The following TMEM132B variants were observed in gnomAD, a reference collection of about 807,000 sequenced individuals.
TMEM132B encodes the protein transmembrane protein 132B.
In TMEM132B, 18 loss-of-function variants were observed where a neutral mutation model predicts 90.8. That is an observed-to-expected ratio of 0.20 (90% CI 0.14 to 0.29). The LOEUF is 0.29. TMEM132B is among the 10% of genes least tolerant of loss of function. The pLI is 1.00. For synonymous variants in TMEM132B, 504 were observed against 523.3 expected (o/e 0.96, Z 0.50); for missense variants, 1,096 against 1,326.8 (o/e 0.83, Z 2.70).
At chr12:125,640,527 G>T (rs536149648) in intron 5 of TMEM132B, among the ~76,000 whole-genome samples, 1 of 152,154 alleles carries the variant, frequency 6.6e-6, no homozygotes, top group African/African-American at 2.4e-5. Context: ...GCAAGGTGAG[G>T]CCAGAGAAGG....
intron 5 of TMEM132B, among the ~76,000 whole-genome samples, chr12:125,611,194 T>C (rs1250242360): frequency 6.6e-6 from 1 of 152,154 alleles, no homozygotes; most frequent in East Asian, 1.9e-4. Flanking sequence ...CACACAAGTA[T>C]TCATAACATT....
intron 5 of TMEM132B, among the ~76,000 whole-genome samples, chr12:125,604,446 G>A (rs1029466941): frequency 1.3e-5 from 2 of 151,932 alleles, no homozygotes; most frequent in African/African-American, 4.8e-5. Flanking sequence ...GGGCCAGTTG[G>A]GGGGTTGTGG....
chr12:125,371,176 T>C (rs1270473446), intron 2 of TMEM132B, among the ~76,000 whole-genome samples: 1 of 152,216 alleles, frequency 6.6e-6, no homozygotes. Context: ...CAGCTCCTTC[T>C]ACCTTCTGCA....
intron 1 of TMEM132B, among the ~76,000 whole-genome samples, chr12:125,259,883 G>A (rs1874522181): frequency 2.0e-5 from 3 of 151,834 alleles, no homozygotes; most frequent in African/African-American, 2.4e-5. Flanking sequence ...CGTGGCTTTG[G>A]GCTGAGCTCA....
chr12:125,304,239 G>A (rs948428290), intron 1 of TMEM132B, among the ~76,000 whole-genome samples: 13 of 152,246 alleles, frequency 8.5e-5, no homozygotes, highest in African/African-American at 2.9e-4. Flanking sequence ...AAACACAGAT[G>A]AAGCTTCGCT....
intron 3 of TMEM132B, among the ~76,000 whole-genome samples, chr12:125,495,752 C>A (rs750004200): frequency 2.0e-5 from 3 of 152,146 alleles, no homozygotes; most frequent in African/African-American, 7.2e-5. Context: ...TGGCACTAAA[C>A]CCCTGCTGAG....
intron 1 of TMEM132B, among the ~76,000 whole-genome samples, chr12:125,299,421 C>T (rs954313294): frequency 6.6e-6 from 1 of 152,120 alleles, no homozygotes; most frequent in African/African-American, 2.4e-5. Flanking sequence ...TGGAATGATC[C>T]AGGACCTGGT....
intron 1 of TMEM132B, among the ~76,000 whole-genome samples, chr12:125,228,668 T>G (rs74831425): frequency 1.9e-3 from 296 of 152,142 alleles, no homozygotes; most frequent in African/African-American, 6.8e-3. Flanking sequence ...GAGGGTTGGA[T>G]CGAATGCTCT....
intron 1 of TMEM132B, among the ~76,000 whole-genome samples, chr12:125,225,006 A>T (rs1037294619): frequency 8.5e-5 from 13 of 152,216 alleles, no homozygotes; most frequent in Non-Finnish European, 1.6e-4. Flanking sequence ...GACCTTCCTC[A>T]TCCTTTCTGG....
At chr12:125,612,616 A>C (rs2136947827) in intron 5 of TMEM132B, among the ~76,000 whole-genome samples, 1 of 144,484 alleles carries the variant, frequency 6.9e-6, no homozygotes, top group East Asian at 2.0e-4. Flanking sequence ...ATATATTTTT[A>C]ATGTTACTAG....
intron 5 of TMEM132B, among the ~76,000 whole-genome samples, chr12:125,591,539 T>C (rs1336242876): frequency 1.3e-5 from 2 of 152,168 alleles, no homozygotes; most frequent in African/African-American, 4.8e-5. Flanking sequence ...ATGACATCTG[T>C]GATGTCCTTT....
In TMEM132B at chr12:125,303,090, T is replaced by C. The variant is rs569125738; in HGVS notation, c.68-46362T>C. 1.3e-4 allele frequency among the ~76,000 whole-genome samples: 20 copies of C among 152,070 alleles called. 1 individual carries two copies. The highest frequency in any genetic ancestry group is 4.1e-4 in the African/African-American group (17 of 41,498). On this transcript the variant is annotated intron_variant, in intron 1 of 8. Coordinates refer to ENST00000682704, the MANE Select transcript of TMEM132B (RefSeq NM_001366854.1). ...CCAGCCTGGGGACAGAGCGAGACTC[T>C]GCATATTAAAAAAAAAACAGAAGGG... is the stretch of plus-strand genomic sequence containing the variant.
chr12:125,442,907 G>A (rs377242234), intron 3 of TMEM132B, among the ~76,000 whole-genome samples: 8 of 152,342 alleles, frequency 5.3e-5, no homozygotes, highest in African/African-American at 1.4e-4. Context: ...GCCCCTGGTC[G>A]CTAGTCGACA....
At chr12:125,342,184 A>T (rs997884907) in intron 1 of TMEM132B, among the ~76,000 whole-genome samples, 3 of 152,124 alleles carry the variant, frequency 2.0e-5, no homozygotes, top group African/African-American at 7.2e-5. Flanking sequence ...CCGCTCTAGG[A>T]TCTTCATGTA....
chr12:125,589,279 G>T (rs182275514), intron 5 of TMEM132B, among the ~76,000 whole-genome samples: 1 of 151,902 alleles, frequency 6.6e-6, no homozygotes, highest in South Asian at 2.1e-4. Context: ...TCAGGAGATC[G>T]AGACCATCCT....
intron 1 of TMEM132B, among the ~76,000 whole-genome samples, chr12:125,307,483 C>T (rs1876001977): frequency 6.6e-6 from 1 of 151,978 alleles, no homozygotes. Flanking sequence ...CCTCTTAGGA[C>T]CGTTGTTGGA....
chr12:125,439,903 T>C (rs1276154987), intron 3 of TMEM132B, among the ~76,000 whole-genome samples: 2 of 152,212 alleles, frequency 1.3e-5, no homozygotes, highest in Non-Finnish European at 2.9e-5. Flanking sequence ...ATTGAAAGCC[T>C]TTTCCGCATC....
At chr12:125,569,807 AC>A (rs1281632778) in intron 4 of TMEM132B, among the ~76,000 whole-genome samples, 2 of 151,970 alleles carry the variant, frequency 1.3e-5, no homozygotes, top group African/African-American at 4.8e-5. Flanking sequence ...ATGGCCAACA[AC>A]TGCTTCTTAG....
intron 5 of TMEM132B, among the ~76,000 whole-genome samples, chr12:125,606,055 A>G (rs1885688259): frequency 1.3e-5 from 2 of 152,222 alleles, no homozygotes; most frequent in Admixed American, 1.3e-4. Context: ...GAAGGGAACA[A>G]TGTATTGTAT....
Sources: gnomAD v4.1 joint callset for allele counts (sites outside exome capture counted in the v4.1 genomes callset) on GRCh38, gnomAD v4.1.1 for gene constraint, MANE v1.5 for transcripts, NCBI Gene and HGNC (gene_info 2026-07-23, HGNC 2026-07-21) for gene names.